HAUS7: variants seen among roughly 807,000 people sequenced by gnomAD.
The protein encoded by HAUS7 is HAUS augmin-like complex subunit 7.
Under a neutral mutation model 28.4 loss-of-function variants are expected in HAUS7, and 3 were observed. The ratio of observed to expected loss-of-function variants is 0.11; its 90% CI spans 0.05 to 0.27. The LOEUF is 0.27. Ranked by LOEUF, HAUS7 falls within the 10% of genes least tolerant of loss-of-function variation. The pLI is 1.00. For synonymous variants in HAUS7, 165 were observed against 132.1 expected (o/e 1.25, Z -1.71); for missense variants, 284 against 297.3 (o/e 0.96, Z 0.33).
At chrX:153,486,857 G>A (rs2124188509) in intron 1 of HAUS7, 1 of 955,981 alleles carries the variant, frequency 1.0e-6, no homozygotes, top group South Asian at 2.1e-5. Context: ...TCTCGAGGGG[G>A]TGGAGGGGCA....
chrX:153,469,581 C>A (rs1398841270), intron 1 of HAUS7, among the ~76,000 whole-genome samples: 1 of 113,198 alleles, frequency 8.8e-6, no homozygotes, highest in Non-Finnish European at 1.9e-5. Flanking sequence ...CCCACCTCAG[C>A]CTCCCAAAGT....
rs910088845 is a variant in HAUS7, at chrX:153,462,726, C to T, written c.293-55G>A. 5.3e-6 allele frequency: 5 copies of T among 943,440 alleles called. No homozygotes were observed. The African/African-American group carries it at 9.5e-5, about 18-fold the overall frequency. The allele number at this position is 943,440 out of a possible 1,213,427, so 77.8% of individuals were successfully genotyped here. On this transcript the variant is annotated intron_variant, in intron 3 of 9. Coordinates refer to ENST00000370211, the MANE Select transcript of HAUS7 (RefSeq NM_001385482.1). Reference sequence around the variant, plus strand: ...AGGCACCTGCCCAGACAGCAGGGGACAGCAGACACCCAGGAAGCCCAGCAC... The same window carrying T: ...AGGCACCTGCCCAGACAGCAGGGGATAGCAGACACCCAGGAAGCCCAGCAC...
chrX:153,473,823 C>T (rs1229622469), upstream of HAUS7, among the ~76,000 whole-genome samples: 2 of 111,615 alleles, frequency 1.8e-5, no homozygotes, highest in Middle Eastern at 4.2e-3. Flanking sequence ...CTTCCTTCTC[C>T]TCATCTCCTC....
chrX:153,459,013 C>T (rs941019186), intron 4 of HAUS7, among the ~76,000 whole-genome samples: 20 of 112,158 alleles, frequency 1.8e-4, no homozygotes, highest in African/African-American at 5.2e-4. Context: ...CTGCCTCGGC[C>T]TCCCAAAGTG....
chrX:153,488,511 CG>C, intron 1 of HAUS7, among the ~76,000 whole-genome samples: 1 of 112,910 alleles, frequency 8.9e-6, no homozygotes, highest in African/African-American at 3.2e-5. Flanking sequence ...CAGACTGTGG[CG>C]GGGGCGGGAG....
chrX:153,473,740 C>T (rs1410847066), upstream of HAUS7, among the ~76,000 whole-genome samples: 1 of 112,423 alleles, frequency 8.9e-6, no homozygotes, highest in Admixed American at 9.3e-5. Flanking sequence ...TGAGGCTCTC[C>T]GCAGGCAAGG....
In HAUS7 at chrX:153,485,225, C is replaced by T. The variant is rs1470674078; in HGVS notation, c.-589+10149G>A. On this transcript the variant is annotated intron_variant, in intron 1 of 5. Coordinates refer to the HAUS7 transcript ENST00000370210. ...CCCTCATGGAGCCTGATCTTTTTCTCCCCACACATCTAGCTTCCACACATC... is the reference window on the plus strand; with the variant it reads ...CCCTCATGGAGCCTGATCTTTTTCTTCCCACACATCTAGCTTCCACACATC... Among the ~76,000 whole-genome samples, 6 of 111,978 alleles carry T rather than the reference C, an allele frequency of 5.4e-5. No homozygotes were observed. In the East Asian group the frequency reaches 1.4e-3, roughly 27 times the overall value.
chrX:153,465,121 C>G (rs1221689965), intron 2 of HAUS7, 66 bp from the exon 3 acceptor site: 6 of 746,148 alleles, frequency 8.0e-6, no homozygotes, highest in Admixed American at 4.8e-5. Context: ...GCCCTCTATA[C>G]GCGCTGGAAG....
At chrX:153,491,548 C>T (rs782744512) in intron 1 of HAUS7, among the ~76,000 whole-genome samples, 7 of 112,915 alleles carry the variant, frequency 6.2e-5, no homozygotes, top group African/African-American at 1.3e-4. Flanking sequence ...GTCCTTGTCC[C>T]ATCCTTCCGT....
chrX:153,482,745 G>A (rs1556987614), intron 1 of HAUS7: 12 of 755,749 alleles, frequency 1.6e-5, no homozygotes, highest in South Asian at 6.7e-5. Flanking sequence ...GCTGGAGGTG[G>A]AAGGGAACCA....
intron 8 of HAUS7, 102 bp downstream of exon 8, chrX:153,455,440 G>A (rs1556981892): frequency 5.4e-6 from 3 of 551,824 alleles, no homozygotes; most frequent in Non-Finnish European, 9.1e-6. Context: ...GTGGTCCCTT[G>A]TCAGGGGCTG....
intron 1 of HAUS7, among the ~76,000 whole-genome samples, chrX:153,485,156 G>C (rs782059810): frequency 8.9e-6 from 1 of 111,769 alleles, no homozygotes; most frequent in Non-Finnish European, 1.9e-5. Context: ...CTCCACTATC[G>C]GACAGCGAGG....
intron 3 of HAUS7, among the ~76,000 whole-genome samples, chrX:153,463,411 C>T (rs77509643): frequency 8.9e-6 from 1 of 111,830 alleles, no homozygotes; most frequent in East Asian, 2.8e-4. Flanking sequence ...TCCCTGACCC[C>T]TCTCTTCCTC....
At chrX:153,486,077 C>T (rs1004870995) in intron 1 of HAUS7, 6 of 955,440 alleles carry the variant, frequency 6.3e-6, no homozygotes, top group Admixed American at 3.3e-5. Flanking sequence ...GGTGCTGGGC[C>T]TGAGCCACAA....
intron 2 of HAUS7, among the ~76,000 whole-genome samples, chrX:153,467,704 G>C (rs1027933472): frequency 8.9e-6 from 1 of 112,555 alleles, no homozygotes; most frequent in African/African-American, 3.2e-5. Flanking sequence ...CGTCTGCAGC[G>C]CGTGGAATGG....
intron 1 of HAUS7, chrX:153,482,181 G>A (rs1012079657): frequency 2.6e-5 from 11 of 416,196 alleles, no homozygotes; most frequent in Non-Finnish European, 3.3e-5. Context: ...TCCCAGACAG[G>A]CCTGGATTCA....
At chrX:153,480,093 T>C (rs1050259235) in intron 1 of HAUS7, among the ~76,000 whole-genome samples, 3 of 111,900 alleles carry the variant, frequency 2.7e-5, no homozygotes, top group Non-Finnish European at 3.8e-5. Context: ...AGGAAGCACG[T>C]GTGAAGTCCT....
rs782435658 is a variant in HAUS7 at position 153,456,278 on chromosome X, G to A, written c.692C>T (p.Ala231Val). ...QLQESAAKLH[A>V]LRTEYFAQHE... ...TAGCACCCTCACCTCCGTTCTAAGCGCGTGCAACTTGGCAGCACTCTCCTG... is the reference window on the plus strand; with the variant it reads ...TAGCACCCTCACCTCCGTTCTAAGCACGTGCAACTTGGCAGCACTCTCCTG... The change falls in exon 7 of 10, where the codon GCG (alanine) becomes GTG (valine). Residue 231 changes from alanine (A) to valine (V), a missense_variant. Physicochemically the swap from Ala to Val is moderately conservative, Grantham distance 64. Coordinates refer to ENST00000370211, the MANE Select transcript of HAUS7 (RefSeq NM_001385482.1). 4.0e-5 allele frequency: 48 copies of A among 1,206,034 alleles called. No individual in the cohort carries two copies. The highest frequency in any genetic ancestry group is 3.0e-4 in the South Asian group (17 of 56,762).
In HAUS7 at chrX:153,454,956, T is replaced by C. The variant is rs140722508; in HGVS notation, c.931-448A>G. Reference sequence around the variant, plus strand: ...GAGCCTCTCGCTTAGAAAACCAAAATGAACATCACGGAATCCTTGAGCCAA... The same window carrying C: ...GAGCCTCTCGCTTAGAAAACCAAAACGAACATCACGGAATCCTTGAGCCAA... On this transcript the variant is annotated intron_variant, in intron 8 of 9. Coordinates refer to ENST00000370211, the MANE Select transcript of HAUS7 (RefSeq NM_001385482.1). The C allele has an allele frequency of 6.8e-6, 7 of 1,022,406 alleles. No homozygotes were observed. The African/African-American group carries it at 1.4e-4, about 20-fold the overall frequency. 84.3% of individuals were successfully genotyped at this position (1,022,406 alleles called of 1,213,427 possible).
Sources: gnomAD v4.1 joint callset for allele counts (sites outside exome capture counted in the v4.1 genomes callset) on GRCh38, gnomAD v4.1.1 for gene constraint, MANE v1.5 for transcripts, NCBI Gene and HGNC (gene_info 2026-07-23, HGNC 2026-07-21) for gene names.